LRP1B: variants seen among roughly 807,000 people sequenced by gnomAD.
LRP1B encodes low-density lipoprotein receptor-related protein 1B.
A neutral mutation model predicts 556.6 loss-of-function variants in LRP1B; 217 were observed. The ratio of observed to expected loss-of-function variants is 0.39; its 90% CI spans 0.35 to 0.44. The LOEUF (loss-of-function observed/expected upper bound fraction) is 0.44, where lower values mean the gene tolerates loss of function less well. Among genes scored for constraint, LRP1B ranks in the 20% least tolerant of loss-of-function variants. The pLI is 1.00. For missense variants in LRP1B, 5,053 were observed against 5,620.8 expected (o/e 0.90, Z 3.23); for synonymous variants, 2,047 against 1,865.8 (o/e 1.10, Z -2.50).
At chr2:140,889,770 T>C (rs1284814167) in intron 23 of LRP1B, among the ~76,000 whole-genome samples, 1 of 152,198 alleles carries the variant, frequency 6.6e-6, no homozygotes, top group South Asian at 2.1e-4. Flanking sequence ...TGACCCATGA[T>C]GGTAGCTAGT....
At chr2:141,030,110 G>A (rs1156599479) in intron 11 of LRP1B, among the ~76,000 whole-genome samples, 1 of 152,100 alleles carries the variant, frequency 6.6e-6, no homozygotes, top group African/African-American at 2.4e-5. Flanking sequence ...GAAATGAAAA[G>A]TTACTTGCCA....
chr2:140,855,319 C>A (rs1277743225), intron 27 of LRP1B, among the ~76,000 whole-genome samples: 1 of 5,596 alleles, frequency 1.8e-4, no homozygotes, highest in Non-Finnish European at 2.1e-3. Context: ...CCCTGCATTA[C>A]ATACAGTTGT....
chr2:140,798,611 C>T (rs1463144839), intron 32 of LRP1B, among the ~76,000 whole-genome samples: 1 of 152,134 alleles, frequency 6.6e-6, no homozygotes, highest in Admixed American at 6.5e-5. Context: ...GCACTATTGG[C>T]ATTTTACCCC....
intron 86 of LRP1B, among the ~76,000 whole-genome samples, chr2:140,265,624 TA>T (rs1036410010): frequency 6.6e-6 from 1 of 152,014 alleles, no homozygotes; most frequent in African/African-American, 2.4e-5. Context: ...ATGAAGAAAA[TA>T]AAAATATATT....
chr2:140,894,247 C>T (rs950255549), intron 23 of LRP1B, among the ~76,000 whole-genome samples: 19 of 152,144 alleles, frequency 1.2e-4, no homozygotes, highest in African/African-American at 4.1e-4. Flanking sequence ...GGATTTTCCT[C>T]CCTCTGTCAG....
intron 1 of LRP1B, among the ~76,000 whole-genome samples, chr2:141,941,309 T>C (rs988409565): frequency 6.6e-6 from 1 of 152,228 alleles, no homozygotes; most frequent in Admixed American, 6.5e-5. Flanking sequence ...AAGTAGAATA[T>C]TATGTGTCAT....
intron 15 of LRP1B, among the ~76,000 whole-genome samples, chr2:140,996,560 C>T (rs1019450182): frequency 6.6e-6 from 1 of 151,900 alleles, no homozygotes; most frequent in African/African-American, 2.4e-5. Flanking sequence ...GGAACAATAC[C>T]TAGAACAGAA....
chr2:141,861,928 T>G (rs1698257628), intron 1 of LRP1B, among the ~76,000 whole-genome samples: 1 of 137,862 alleles, frequency 7.3e-6, no homozygotes, highest in South Asian at 2.5e-4. Flanking sequence ...AGACTCCATC[T>G]CAAAAAAAAA....
intron 35 of LRP1B, among the ~76,000 whole-genome samples, chr2:140,736,715 A>G (rs942559574): frequency 6.6e-6 from 1 of 152,220 alleles, no homozygotes; most frequent in South Asian, 2.1e-4. Context: ...AAGATGGATT[A>G]AAGACTTAAA....
chr2:141,910,623 A>G (rs1357437795), intron 1 of LRP1B, among the ~76,000 whole-genome samples: 1 of 152,128 alleles, frequency 6.6e-6, no homozygotes. Context: ...ATAAGAAATC[A>G]TATCACTGCA....
At chr2:140,392,670 T>A (rs550558001) in intron 66 of LRP1B, among the ~76,000 whole-genome samples, 2 of 152,198 alleles carry the variant, frequency 1.3e-5, no homozygotes, top group South Asian at 4.1e-4. Flanking sequence ...GTACTTTTAG[T>A]AGAGACCAGT....
chr2:141,505,101 C>A (rs972869398), intron 2 of LRP1B, among the ~76,000 whole-genome samples: 1 of 150,948 alleles, frequency 6.6e-6, no homozygotes, highest in Non-Finnish European at 1.5e-5. Context: ...CTCTCTCTCT[C>A]TATCTCTCTC....
intron 49 of LRP1B, among the ~76,000 whole-genome samples, chr2:140,518,959 G>A (rs1216376657): frequency 6.6e-6 from 1 of 152,000 alleles, no homozygotes; most frequent in Non-Finnish European, 1.5e-5. Flanking sequence ...AGAAATAAAA[G>A]AGGACACAAA....
At chr2:140,956,712 C>T (rs945841604) in intron 18 of LRP1B, among the ~76,000 whole-genome samples, 7 of 151,718 alleles carry the variant, frequency 4.6e-5, no homozygotes, top group Non-Finnish European at 8.9e-5. Context: ...CTTGCTGTCA[C>T]ATAACAATCT....
intron 25 of LRP1B, among the ~76,000 whole-genome samples, chr2:140,876,936 G>T (rs1693327084): frequency 6.6e-6 from 1 of 152,088 alleles, no homozygotes; most frequent in South Asian, 2.1e-4. Context: ...AAAAACTATA[G>T]TACACCTGTT....
intron 1 of LRP1B, among the ~76,000 whole-genome samples, chr2:142,037,301 G>T (rs1703912714): frequency 6.6e-6 from 1 of 151,586 alleles, no homozygotes; most frequent in Admixed American, 6.6e-5. Flanking sequence ...TCTAGGGAAT[G>T]CTGAGAAATG....
chr2:140,389,106 AT>A (rs1225580676), intron 66 of LRP1B, among the ~76,000 whole-genome samples: 2 of 151,046 alleles, frequency 1.3e-5, no homozygotes, highest in African/African-American at 4.9e-5. Context: ...TTTTTCAAGT[AT>A]TATAAGTATG....
chr2:141,413,336 G>A (rs987926153), intron 3 of LRP1B, among the ~76,000 whole-genome samples: 1 of 152,122 alleles, frequency 6.6e-6, no homozygotes, highest in Non-Finnish European at 1.5e-5. Flanking sequence ...GTGGTCAGAG[G>A]CAGATGTGAC....
intron 2 of LRP1B, among the ~76,000 whole-genome samples, chr2:141,721,532 A>G (rs934522495): frequency 1.3e-5 from 2 of 152,180 alleles, no homozygotes; most frequent in South Asian, 2.1e-4. Flanking sequence ...TAAAAACTTC[A>G]TAATAGTTTT....
Sources: gnomAD v4.1 joint callset for allele counts (sites outside exome capture counted in the v4.1 genomes callset) on GRCh38, gnomAD v4.1.1 for gene constraint, MANE v1.5 for transcripts, NCBI Gene and HGNC (gene_info 2026-07-23, HGNC 2026-07-21) for gene names.